ARHGEF26: variants seen among roughly 807,000 people sequenced by gnomAD.
ARHGEF26 encodes Rho guanine nucleotide exchange factor (GEF) 26.
In ARHGEF26, 59 loss-of-function variants were observed where a neutral mutation model predicts 89.4. The ratio of observed to expected loss-of-function variants is 0.66; its 90% confidence interval spans 0.54 to 0.82. The LOEUF (loss-of-function observed/expected upper bound fraction) is 0.82. ARHGEF26 is among the 40% of genes least tolerant of loss of function. The pLI, the probability that ARHGEF26 is intolerant of heterozygous loss-of-function variation, is 0.00. For synonymous variants in ARHGEF26, 500 were observed against 428.4 expected, an observed-to-expected ratio of 1.17 and a Z score of -2.06; for missense variants, 1,234 against 1,085.6, an observed-to-expected ratio of 1.14 and a Z score of -1.92.
chr3:154,131,743 G>A (rs531540064), intron 4 of ARHGEF26, among the ~76,000 whole-genome samples: 3 of 152,316 alleles, frequency 2.0e-5, no homozygotes, highest in South Asian at 4.1e-4. Flanking sequence ...AAAAAGAAAT[G>A]TGGATTTTTA....
At chr3:154,243,749 C>A (rs1290724437) in intron 12 of ARHGEF26, among the ~76,000 whole-genome samples, 1 of 149,510 alleles carries the variant, frequency 6.7e-6, no homozygotes, top group Non-Finnish European at 1.5e-5. Context: ...TCTCCCCACC[C>A]CCACCCTCAA....
Position 154,122,435 on chromosome 3 carries a change from G to A in ARHGEF26, c.443G>A (p.Arg148Gln), listed in dbSNP as rs778948077. The A allele has an allele frequency of 1.2e-6, 2 of 1,611,230 alleles. No homozygotes were observed. The highest frequency in any genetic ancestry group is 1.7e-6 in the Non-Finnish European group (2 of 1,179,110). ...CCGCCGCCGGTTCTGCGCCCCCCGC[G>A]GACTCCTAACGCGCCCGCCCCCTGC... is the stretch of plus-strand genomic sequence containing the variant. ...PPPPPVLRPPRTPNAPAPCTP... is the reference protein window; with the variant it reads ...PPPPPVLRPPQTPNAPAPCTP... The change falls in exon 2 of 15, where the codon CGG becomes CAG. Residue 148 changes from arginine (R) to glutamine (Q), a missense_variant. By Grantham distance (43) the Arg-to-Gln change is conservative. Coordinates refer to ENST00000465093, the MANE Select transcript of ARHGEF26 (RefSeq NM_015595.4).
At chr3:154,244,222 T>TGTC (rs1223078593) in intron 12 of ARHGEF26, among the ~76,000 whole-genome samples, 1 of 152,204 alleles carries the variant, frequency 6.6e-6, no homozygotes, top group Non-Finnish European at 1.5e-5. Context: ...GAAAAACTGT[T>TGTC]GTCACTAAAG....
intron 2 of ARHGEF26, among the ~76,000 whole-genome samples, chr3:154,123,857 A>G (rs1439946491): frequency 6.6e-6 from 1 of 152,168 alleles, no homozygotes; most frequent in African/African-American, 2.4e-5. Context: ...GGAAAACTGA[A>G]GAGGGGTATT....
Position 154,122,007 on chromosome 3 carries a change from C to G in ARHGEF26, c.15C>G (p.Ser5Arg), listed in dbSNP as rs374549416. 117 of 1,592,758 alleles carry G rather than the reference C, an allele frequency of 7.3e-5. No homozygotes were observed. Among genetic ancestry groups the G allele is most frequent in the Middle Eastern group, 3.3e-4 (2 of 6,012 alleles). MDGE[S>R]EVDFSSNSIT... The stretch of plus-strand genomic sequence containing the variant: ...GAGGCCCGGCTATGGACGGCGAGAG[C>G]GAGGTGGATTTTTCTAGCAACAGCA... Residue 5 changes from serine to arginine, a missense_variant, in exon 2 of 15, where the codon AGC (serine) becomes AGG (arginine). Ser to Arg is a moderately radical substitution (Grantham distance 110, BLOSUM62 -1). Transcript: ENST00000465093.
At chr3:154,207,957 A>G (rs1482523599) in intron 9 of ARHGEF26, among the ~76,000 whole-genome samples, 1 of 152,174 alleles carries the variant, frequency 6.6e-6, no homozygotes, top group Non-Finnish European at 1.5e-5. Flanking sequence ...CATGGATGGA[A>G]CTGGAGGCCA....
chr3:154,152,923 C>A lies in ARHGEF26; in HGVS notation c.1478C>A (p.Ala493Glu). 6.3e-7 allele frequency: 1 copy of A among 1,585,072 alleles called. No individual in the cohort carries two copies. Among genetic ancestry groups the A allele is most frequent in the Non-Finnish European group, 8.6e-7 (1 of 1,167,298 alleles). The change falls in exon 6 of 15, where the codon GCA (alanine) becomes GAA (glutamate). Residue 493 changes from alanine to glutamate, a missense_variant. Coordinates refer to ENST00000465093, the MANE Select transcript of ARHGEF26 (RefSeq NM_015595.4). ...LFSNITDVCE[A>E]SKKFFIELEA... Reference sequence around the variant, plus strand: ...TCCAATATTACAGATGTCTGTGAGGCAAGCAAAAAGTAAGTGCACTGCAGT... The same window carrying A: ...TCCAATATTACAGATGTCTGTGAGGAAAGCAAAAAGTAAGTGCACTGCAGT...
intron 9 of ARHGEF26, among the ~76,000 whole-genome samples, chr3:154,213,214 A>AGT (rs1451428399): frequency 0.01 from 1,379 of 135,924 alleles, 13 homozygotes; most frequent in African/African-American, 0.036. Context: ...AGAGAGAGAG[A>AGT]GAGTGTGTGT....
rs1717950964 is a variant in ARHGEF26, at chr3:154,121,924, A to G, written c.-51-18A>G. 2.6e-6 allele frequency: 4 copies of G among 1,511,256 alleles called. No individual in the cohort carries two copies. Among genetic ancestry groups the G allele is most frequent in the African/African-American group, 1.4e-5 (1 of 71,574 alleles). 93.6% of individuals were successfully genotyped at this position (1,511,256 alleles called of 1,614,324 possible). A position where few individuals can be genotyped will look rare whatever the true frequency, so the allele number is the denominator to read the frequency against. On this transcript the variant is annotated intron_variant, in intron 1 of 14. Transcript: ENST00000465093. ...CGGTTGTCCAGAGGCACAGTTTCCT[A>G]ACTTCTTTCCTCTTTAGGCAAGACT...
intron 6 of ARHGEF26, among the ~76,000 whole-genome samples, chr3:154,157,120 G>A (rs935350842): frequency 2.0e-5 from 3 of 152,050 alleles, no homozygotes; most frequent in African/African-American, 4.8e-5. Flanking sequence ...GTGTGTGTGT[G>A]TACGTATGTA....
Position 154,121,976 on chromosome 3 carries a change from G to C in ARHGEF26, c.-17G>C. The C allele has an allele frequency of 6.3e-7, 1 of 1,575,730 alleles. No individual in the cohort carries two copies. The highest frequency in any genetic ancestry group is 8.7e-7 in the Non-Finnish European group (1 of 1,155,454). On this transcript the variant is annotated 5_prime_UTR_variant, in exon 2 of 15. Transcript: ENST00000465093. ...ACTCGGTGTTGCTCCTCCCGGCGCT[G>C]ACTTCGAGGCCCGGCTATGGACGGC...
chr3:154,139,545 T>G (rs560137291), intron 4 of ARHGEF26, among the ~76,000 whole-genome samples: 21 of 152,286 alleles, frequency 1.4e-4, no homozygotes, highest in African/African-American at 4.8e-4. Context: ...GACTTTGGAT[T>G]GCAGATTCAT....
intron 6 of ARHGEF26, among the ~76,000 whole-genome samples, chr3:154,185,927 C>T (rs946345657): frequency 6.6e-5 from 10 of 152,104 alleles, no homozygotes; most frequent in African/African-American, 2.2e-4. Context: ...GGATGAAGAC[C>T]AAATACTTAT....
At chr3:154,143,382 T>G (rs890049501) in intron 4 of ARHGEF26, among the ~76,000 whole-genome samples, 2 of 152,150 alleles carry the variant, frequency 1.3e-5, no homozygotes, top group Non-Finnish European at 2.9e-5. Context: ...TTTTGTCACC[T>G]TTTTTTAACA....
intron 6 of ARHGEF26, among the ~76,000 whole-genome samples, chr3:154,156,268 G>A (rs1031528794): frequency 1.3e-5 from 2 of 151,890 alleles, no homozygotes; most frequent in African/African-American, 4.8e-5. Context: ...TTAAAGTATA[G>A]ACTAAAATTT....
chr3:154,155,989 T>C lies in ARHGEF26; in HGVS notation c.1487+3057T>C, dbSNP rs541540663. ...CAGGTCTAAAGAGTGGGATTTCATA[T>C]TGTTCTAGATTTTAATTATTTGAAA... On this transcript the variant is annotated intron_variant, in intron 6 of 14. Transcript: ENST00000465093. 7.2e-5 allele frequency among the ~76,000 whole-genome samples: 11 copies of C among 152,122 alleles called. No individual in the cohort carries two copies. In the East Asian group the frequency reaches 1.7e-3, roughly 24 times the overall value.
At chr3:154,215,138 G>A (rs977431024) in intron 9 of ARHGEF26, among the ~76,000 whole-genome samples, 7 of 152,100 alleles carry the variant, frequency 4.6e-5, no homozygotes, top group African/African-American at 2.4e-5. Flanking sequence ...TGATCTAACC[G>A]TGGCCTATCT....
chr3:154,122,231 G>A lies in ARHGEF26; in HGVS notation c.239G>A (p.Ser80Asn), dbSNP rs778991627. 1.2e-5 allele frequency: 20 copies of A among 1,609,890 alleles called. No homozygotes were observed. Among genetic ancestry groups the A allele is most frequent in the Non-Finnish European group, 1.7e-5 (20 of 1,178,540 alleles). ...TASDSRTVHRSPLLLGAQRRA... is the reference protein window; with the variant it reads ...TASDSRTVHRNPLLLGAQRRA... ...TCGGACAGCAGGACGGTACATAGGA[G>A]CCCCCTGCTTCTGGGCGCCCAGCGG... The change falls in exon 2 of 15, where the codon AGC becomes AAC. Residue 80 changes from serine to asparagine, a missense_variant. Transcript: ENST00000465093.
intron 4 of ARHGEF26, among the ~76,000 whole-genome samples, chr3:154,137,387 C>T (rs978248774): frequency 1.3e-5 from 2 of 152,144 alleles, no homozygotes; most frequent in African/African-American, 4.8e-5. Flanking sequence ...AAATGTAGCC[C>T]CTCAGCCTGG....
Sources: gnomAD v4.1 joint callset for allele counts (sites outside exome capture counted in the v4.1 genomes callset) on GRCh38, gnomAD v4.1.1 for gene constraint, MANE v1.5 for transcripts, NCBI Gene and HGNC (gene_info 2026-07-23, HGNC 2026-07-21) for gene names.